Variants in EGFL7 observed in about 807,000 individuals in gnomAD.
EGFL7 encodes the protein epidermal growth factor-like protein 7.
In EGFL7, 48 loss-of-function variants were observed where a neutral mutation model predicts 37.1. The observed-to-expected ratio is 1.29, with a 90% CI of 1.03 to 1.65. EGFL7 has a LOEUF of 1.65. EGFL7 is among the 40% of genes most tolerant of loss of function. The probability of loss-of-function intolerance (pLI) is 0.00; values close to 1 mark genes in which losing one functional copy is unlikely to be tolerated. For synonymous variants in EGFL7, 180 were observed against 156.8 expected, an observed-to-expected ratio of 1.15 and a Z score of -1.10; for missense variants, 384 against 378.9, an observed-to-expected ratio of 1.01 and a Z score of -0.11.
At chr9:136,668,101 T>G (rs921033230) in intron 3 of EGFL7, 140 bp from the exon 4 acceptor site, 6 of 559,214 alleles carry the variant, frequency 1.1e-5, no homozygotes, top group South Asian at 4.6e-5. Flanking sequence ...GAGGAGAGAG[T>G]GGGCGCCACC....
At position 136,664,770 on chromosome 9, in the gene EGFL7, G is replaced by C. The variant is rs1258059966; in HGVS notation, c.-58G>C. On this transcript the variant is annotated 5_prime_UTR_variant, in exon 3 of 11. Coordinates refer to ENST00000308874, the MANE Select transcript of EGFL7 (RefSeq NM_016215.5). ...TCCTGCCCCTGTCCGGGGGATGACT[G>C]ATTCTCCTCCGCCAGGTGAGTCCCA... is the stretch of plus-strand genomic sequence containing the variant. 2 of 152,312 alleles carry C rather than the reference G, an allele frequency of 1.3e-5. No homozygotes were observed. The highest frequency in any genetic ancestry group is 2.9e-5 in the Non-Finnish European group (2 of 68,086). The allele number at this position is 152,312 out of a possible 1,614,324, so 9.4% of individuals were successfully genotyped here.
At position 136,669,810 on chromosome 9, in the gene EGFL7, C is replaced by T. The variant is rs549294921; in HGVS notation, c.313+89C>T. ...CGCTCCTGCTGCTTTTCTTGAACCC[C>T]GAGCAAAGCACCACCTTGCCGCAGA... On this transcript the variant is annotated intron_variant, in intron 6 of 10. Coordinates refer to ENST00000308874, the MANE Select transcript of EGFL7 (RefSeq NM_016215.5). The T allele has an allele frequency of 3.8e-4, 548 of 1,443,414 alleles. 1 individual carries two copies. The African/African-American group carries it at 6.8e-3, about 18-fold the overall frequency. The allele number at this position is 1,443,414 out of a possible 1,614,324, so 89.4% of individuals were successfully genotyped here.
chr9:136,665,646 C>T (rs1845411993), intron 3 of EGFL7: 1 of 150,148 alleles, frequency 6.7e-6, no homozygotes, highest in South Asian at 2.1e-4. Flanking sequence ...CACTGCCCGC[C>T]CGGGGGCAGC....
chr9:136,668,206 G>A, intron 3 of EGFL7, 35 bp from the exon 4 acceptor site: 1 of 1,324,962 alleles, frequency 7.5e-7, no homozygotes, highest in Non-Finnish European at 1.0e-6. Context: ...GGGGGCATCT[G>A]CGGGGAGACT....
At position 136,666,490 on chromosome 9, in the gene EGFL7, C is replaced by G. The variant is rs776037806; in HGVS notation, c.-43+1705C>G. ...GCACCCCTGGGTCGAGGCCGTGGCC[C>G]CCCCCGGGGAAATGGGGCTTGCAGC... is the stretch of plus-strand genomic sequence containing the variant. On this transcript the variant is annotated intron_variant, in intron 3 of 10. Transcript: ENST00000308874. The surrounding 1 kb of genome is among the most constrained non-coding windows in gnomAD (Gnocchi z 6.8). 2.6e-5 allele frequency among the ~76,000 whole-genome samples: 4 copies of G among 152,148 alleles called. No homozygotes were observed. The highest frequency in any genetic ancestry group is 7.2e-5 in the African/African-American group (3 of 41,442).
chr9:136,669,742 C>T (rs778732981), intron 6 of EGFL7, 21 bp downstream of exon 6: 9 of 1,546,332 alleles, frequency 5.8e-6, no homozygotes, highest in East Asian at 4.7e-5. Context: ...TGTCCCTCGG[C>T]GCCCGGTGTT....
chr9:136,669,281 A>C, intron 5 of EGFL7, among the ~76,000 whole-genome samples: 1 of 152,216 alleles, frequency 6.6e-6, no homozygotes, highest in East Asian at 1.9e-4. Context: ...GACTCGCCGT[A>C]GGCCGGGCAC....
chr9:136,672,229 C>T, intron 10 of EGFL7, 35 bp from the exon 11 acceptor site: 1 of 1,613,196 alleles, frequency 6.2e-7, no homozygotes, highest in Non-Finnish European at 8.5e-7. Context: ...CTGTGGGGAG[C>T]AGTGATCTCT....
In EGFL7 at chr9:136,666,092, G is replaced by C. The variant is rs1249978204; in HGVS notation, c.-43+1307G>C. ...GCGGGCGGGCGGGCGGCGCGGCGGG[G>C]AGGGCCGGGGTCGCCGCGGCCCCTC... On this transcript the variant is annotated intron_variant, in intron 3 of 10. Transcript: ENST00000308874. The surrounding 1 kb of genome is among the most constrained non-coding windows in gnomAD (Gnocchi z 6.8). Among the ~76,000 whole-genome samples, 1 of 146,846 alleles carries C rather than the reference G, an allele frequency of 6.8e-6. No individual in the cohort carries two copies. Among genetic ancestry groups the C allele is most frequent in the African/African-American group, 2.4e-5 (1 of 40,862 alleles).
At chr9:136,665,284 G>A (rs922605115) in intron 3 of EGFL7, among the ~76,000 whole-genome samples, 1 of 152,242 alleles carries the variant, frequency 6.6e-6, no homozygotes, top group Non-Finnish European at 1.5e-5. Flanking sequence ...GGGTCTCTGG[G>A]CCTGCGGTGG....
At chr9:136,664,128 C>T (rs1428429383) in intron 2 of EGFL7, among the ~76,000 whole-genome samples, 2 of 152,166 alleles carry the variant, frequency 1.3e-5, no homozygotes, top group African/African-American at 4.8e-5. Context: ...GGGCTCAGGG[C>T]GCCAGGAGGC....
intron 4 of EGFL7, 52 bp downstream of exon 4, chr9:136,668,414 C>T: frequency 6.5e-7 from 1 of 1,530,698 alleles, no homozygotes; most frequent in South Asian, 1.2e-5. Flanking sequence ...CGGGAGCCCT[C>T]AGCACCTCCT....
chr9:136,664,905 C>G (rs972108828), intron 3 of EGFL7, 120 bp downstream of exon 3: 3 of 152,434 alleles, frequency 2.0e-5, no homozygotes, highest in African/African-American at 7.2e-5. Flanking sequence ...TGGGCTGGCC[C>G]GAGCCCCACG....
At chr9:136,670,353 G>C in intron 8 of EGFL7, 23 bp downstream of exon 8, 2 of 1,524,354 alleles carry the variant, frequency 1.3e-6, no homozygotes, top group Non-Finnish European at 1.8e-6. Flanking sequence ...GGCTGTGCCT[G>C]GCCTGGGGAG....
intron 2 of EGFL7, among the ~76,000 whole-genome samples, chr9:136,664,017 C>T (rs373349258): frequency 1.3e-5 from 2 of 152,234 alleles, no homozygotes; most frequent in East Asian, 3.9e-4. Flanking sequence ...AGGCCAGGGG[C>T]AGGGGACAGG....
chr9:136,671,182 C>T (rs544250569), intron 9 of EGFL7, among the ~76,000 whole-genome samples, 168 bp downstream of exon 9: 27 of 71,516 alleles, frequency 3.8e-4, no homozygotes, highest in African/African-American at 1.5e-3. Context: ...GGTGAGGCGT[C>T]GGGGGGGCAG....
intron 9 of EGFL7, among the ~76,000 whole-genome samples, chr9:136,671,254 G>A (rs1412329815): frequency 3.5e-5 from 3 of 84,590 alleles, no homozygotes; most frequent in African/African-American, 9.2e-5. Context: ...GTCCAGGGTG[G>A]ACCTGCTGGA....
At chr9:136,669,529 A>C in intron 5 of EGFL7, 77 bp from the exon 6 acceptor site, 1 of 1,090,524 alleles carries the variant, frequency 9.2e-7, no homozygotes, top group Admixed American at 2.0e-5. Flanking sequence ...GTGCACTCTG[A>C]GAGGGGACTC....
At chr9:136,660,637 A>G (rs11145821), upstream of EGFL7, among the ~76,000 whole-genome samples, 16,554 of 152,126 alleles carry the variant, frequency 0.11, 1,117 homozygotes, top group South Asian at 0.19. Context: ...CAGTCAGTTC[A>G]CCGGGAAGGC....
Sources: gnomAD v4.1 joint callset for allele counts (sites outside exome capture counted in the v4.1 genomes callset) on GRCh38, gnomAD v4.1.1 for gene constraint, Gnocchi (gnomAD v3.1) non-coding constraint, MANE v1.5 for transcripts, NCBI Gene and HGNC (gene_info 2026-07-23, HGNC 2026-07-21) for gene names.